Variants in TRPM3 observed in about 807,000 individuals in gnomAD.
TRPM3 encodes transient receptor potential cation channel subfamily M member 3.
TRPM3 carries 77 observed loss-of-function variants against 181.2 expected under a neutral mutation model. That is an observed-to-expected ratio of 0.42 (90% CI 0.35 to 0.51). The LOEUF (loss-of-function observed/expected upper bound fraction) is 0.51, where lower values mean the gene tolerates loss of function less well. Among genes scored for constraint, TRPM3 ranks in the 20% least tolerant of loss-of-function variants. TRPM3 has a pLI of 0.01. For missense variants in TRPM3, 1,759 were observed against 2,196.7 expected, an observed-to-expected ratio of 0.80 and a Z score of 3.98; for synonymous variants, 745 against 796.4, an observed-to-expected ratio of 0.94 and a Z score of 1.09.
chr9:71,317,669 A>G (rs2088758307), intron 1 of TRPM3, among the ~76,000 whole-genome samples: 1 of 80,782 alleles, frequency 1.2e-5, no homozygotes, highest in Non-Finnish European at 3.1e-5. Context: ...AAGAAAAAAT[A>G]TATATATATA....
At chr9:70,759,221 CAT>C (rs1420432241) in intron 8 of TRPM3, among the ~76,000 whole-genome samples, 9 of 152,134 alleles carry the variant, frequency 5.9e-5, no homozygotes, top group Non-Finnish European at 1.0e-4. Flanking sequence ...AGCTAACAAA[CAT>C]ATGGAAAAAA....
intron 1 of TRPM3, among the ~76,000 whole-genome samples, chr9:71,070,225 A>G (rs757367622): frequency 2.6e-5 from 4 of 152,234 alleles, no homozygotes; most frequent in Non-Finnish European, 5.9e-5. Flanking sequence ...ACAAAATCGG[A>G]GAAGTCTATA....
intron 9 of TRPM3, among the ~76,000 whole-genome samples, chr9:70,678,225 C>T (rs772507031): frequency 6.6e-6 from 1 of 152,068 alleles, no homozygotes; most frequent in Non-Finnish European, 1.5e-5. Context: ...AACTGTGAGC[C>T]CCTTACATCT....
chr9:71,420,703 GAGAGAA>G (rs1304916132), intron 1 of TRPM3, among the ~76,000 whole-genome samples: 7 of 142,294 alleles, frequency 4.9e-5, no homozygotes, highest in South Asian at 2.2e-4. Context: ...AAGAGAAAGA[GAGAGAA>G]AGAAAGAGAG....
chr9:71,289,062 G>A (rs2085549849), intron 1 of TRPM3, among the ~76,000 whole-genome samples: 1 of 152,090 alleles, frequency 6.6e-6, no homozygotes, highest in African/African-American at 2.4e-5. Context: ...TGGACGTGTA[G>A]CACCTCTAAT....
At chr9:71,230,352 T>C (rs1210595598) in intron 1 of TRPM3, among the ~76,000 whole-genome samples, 2 of 151,926 alleles carry the variant, frequency 1.3e-5, no homozygotes, top group Non-Finnish European at 2.9e-5. Context: ...GAAGTGGGGA[T>C]GATTAATAGG....
chr9:70,661,388 A>G (rs2061117161), intron 9 of TRPM3, among the ~76,000 whole-genome samples: 1 of 152,176 alleles, frequency 6.6e-6, no homozygotes, highest in Non-Finnish European at 1.5e-5. Flanking sequence ...CAAGACAAGG[A>G]TGCTGACTTT....
chr9:71,287,416 G>A (rs2085389741), intron 1 of TRPM3, among the ~76,000 whole-genome samples: 1 of 151,792 alleles, frequency 6.6e-6, no homozygotes, highest in Admixed American at 6.6e-5. Flanking sequence ...ATCACTATGA[G>A]GCTGTCCCAC....
At chr9:71,315,280 G>T (rs1050383736) in intron 1 of TRPM3, among the ~76,000 whole-genome samples, 1 of 152,068 alleles carries the variant, frequency 6.6e-6, no homozygotes, top group African/African-American at 2.4e-5. Context: ...AGTAAATATG[G>T]TATTGATTTA....
At chr9:71,267,136 C>T (rs192014430) in intron 1 of TRPM3, among the ~76,000 whole-genome samples, 24 of 152,206 alleles carry the variant, frequency 1.6e-4, no homozygotes, top group African/African-American at 5.3e-4. Flanking sequence ...CCTCCTGCCC[C>T]CTTCCTATCT....
At chr9:71,346,050 A>G (rs1305456882) in intron 1 of TRPM3, among the ~76,000 whole-genome samples, 1 of 152,214 alleles carries the variant, frequency 6.6e-6, no homozygotes, top group African/African-American at 2.4e-5. Context: ...AAATAAATGA[A>G]AGCATATATT....
In TRPM3 at chr9:71,163,330, A is replaced by ATAGG. The variant is rs58180875; in HGVS notation, c.183+283319_183+283322dup. On this transcript the variant is annotated intron_variant, in intron 1 of 24. Transcript: ENST00000357533. The stretch of plus-strand genomic sequence containing the variant: ...TAGTGATAAAGAGGGGAAACAAGAT[A>ATAGG]TAGGTAGGTAGGTAGGTAGGTAGGT... Among the ~76,000 whole-genome samples the ATAGG allele has an allele frequency of 1.1e-3, 169 of 151,686 alleles. 1 individual carries two copies. The highest frequency in any genetic ancestry group is 2.2e-3 in the African/African-American group (93 of 41,364).
intron 1 of TRPM3, among the ~76,000 whole-genome samples, chr9:71,409,465 C>G (rs999541721): frequency 2.6e-5 from 4 of 152,100 alleles, no homozygotes; most frequent in African/African-American, 9.7e-5. Context: ...AAATCCTAGT[C>G]TCTGATAAAA....
chr9:70,801,588 C>T (rs909297235), intron 6 of TRPM3, among the ~76,000 whole-genome samples: 1 of 151,936 alleles, frequency 6.6e-6, no homozygotes, highest in Non-Finnish European at 1.5e-5. Flanking sequence ...TAAATGAATG[C>T]CTCATCCAGA....
At chr9:71,001,422 C>A (rs2097599656) in intron 1 of TRPM3, among the ~76,000 whole-genome samples, 1 of 152,198 alleles carries the variant, frequency 6.6e-6, no homozygotes, top group African/African-American at 2.4e-5. Flanking sequence ...TCATTTTAAA[C>A]ATCTTAATGT....
At chr9:71,149,900 C>T (rs2075638429) in intron 1 of TRPM3, among the ~76,000 whole-genome samples, 1 of 152,116 alleles carries the variant, frequency 6.6e-6, no homozygotes, top group South Asian at 2.1e-4. Context: ...GAGGTCAAAA[C>T]TGTAGTGAGC....
intron 6 of TRPM3, among the ~76,000 whole-genome samples, chr9:70,789,332 T>C (rs1044725547): frequency 2.0e-5 from 3 of 152,228 alleles, no homozygotes; most frequent in Non-Finnish European, 4.4e-5. Context: ...AAGAAACTGA[T>C]GTAAGTTCCT....
intron 1 of TRPM3, among the ~76,000 whole-genome samples, chr9:71,370,073 A>T (rs1487367076): frequency 2.0e-5 from 3 of 152,180 alleles, no homozygotes; most frequent in Non-Finnish European, 4.4e-5. Context: ...GATGAAGTTA[A>T]TTGATAAATT....
At chr9:70,694,176 GT>G (rs947531143) in intron 8 of TRPM3, among the ~76,000 whole-genome samples, 10 of 152,058 alleles carry the variant, frequency 6.6e-5, no homozygotes, top group Admixed American at 6.5e-5. Context: ...AGTTTCCTGG[GT>G]TTTTTTTGTG....
Sources: allele counts gnomAD v4.1 joint callset (sites outside exome capture counted in the v4.1 genomes callset), GRCh38; gene constraint gnomAD v4.1.1; transcripts MANE v1.5; gene names NCBI Gene and HGNC (gene_info 2026-07-23, HGNC 2026-07-21).